Variants in ADGRV1 observed in about 807,000 individuals in gnomAD.
The protein encoded by ADGRV1 is G-protein coupled receptor 98.
ADGRV1 carries 359 observed loss-of-function variants against 596.2 expected under a neutral mutation model. The observed-to-expected ratio is 0.60, with a 90% CI of 0.55 to 0.66. The LOEUF (loss-of-function observed/expected upper bound fraction) is 0.66. Among genes scored for constraint, ADGRV1 ranks in the 30% least tolerant of loss-of-function variants. ADGRV1 has a pLI of 0.00. For missense variants in ADGRV1, 7,274 were observed against 7,575.6 expected, an observed-to-expected ratio of 0.96 and a Z score of 1.48; for synonymous variants, 2,681 against 2,679.2, an observed-to-expected ratio of 1.00 and a Z score of -0.02.
At chr5:91,014,511 T>A (rs143985569) in intron 85 of ADGRV1, among the ~76,000 whole-genome samples, 1 of 151,638 alleles carries the variant, frequency 6.6e-6, no homozygotes, top group Non-Finnish European at 1.5e-5. Flanking sequence ...GTCCTGGGAG[T>A]TTTTTTGTTT....
chr5:91,104,384 T>C (rs955920321), intron 87 of ADGRV1, among the ~76,000 whole-genome samples: 1 of 152,230 alleles, frequency 6.6e-6, no homozygotes, highest in Non-Finnish European at 1.5e-5. Flanking sequence ...AGTGATCAGA[T>C]TAAAAGAATT....
chr5:90,754,500 A>G (rs1308006885), intron 54 of ADGRV1, among the ~76,000 whole-genome samples: 1 of 152,204 alleles, frequency 6.6e-6, no homozygotes, highest in African/African-American at 2.4e-5. Flanking sequence ...ATGAAATAAA[A>G]GTTAGGTGCT....
At chr5:90,603,245 T>C (rs1027904908) in intron 1 of ADGRV1, among the ~76,000 whole-genome samples, 2 of 152,224 alleles carry the variant, frequency 1.3e-5, no homozygotes, top group Non-Finnish European at 1.5e-5. Flanking sequence ...CATACAGTGT[T>C]GTAATTCATT....
chr5:90,688,610 C>T (rs889303005), intron 29 of ADGRV1, among the ~76,000 whole-genome samples: 3 of 152,120 alleles, frequency 2.0e-5, no homozygotes, highest in African/African-American at 7.2e-5. Context: ...CCACCTTGGC[C>T]TCCCAAAGTG....
In ADGRV1 at chr5:90,805,400, T is replaced by C. The variant is rs1372348643; in HGVS notation, c.14778T>C (p.Tyr4926=). 4 of 1,606,568 alleles carry C rather than the reference T, an allele frequency of 2.5e-6. No homozygotes were observed. In the African/African-American group the frequency reaches 4.0e-5, roughly 16 times the overall value. Residue 4926 remains tyrosine, a synonymous_variant, in exon 72 of 90, where the codon TAT becomes TAC. Coordinates refer to ENST00000405460, the MANE Select transcript of ADGRV1 (RefSeq NM_032119.4). ...GALSVAWTTG[Y]APGLEIPEFI... ...TCTCGGTTGCCTGGACCACTGGATA[T>C]GCTCCTGGGTTAGAAATTCCTGAAT...
intron 83 of ADGRV1, among the ~76,000 whole-genome samples, chr5:90,907,496 A>G (rs763831007): frequency 2.0e-5 from 3 of 151,942 alleles, no homozygotes; most frequent in Non-Finnish European, 2.9e-5. Context: ...CCTACCTTCC[A>G]TCCTTCCCTT....
At chr5:90,584,122 A>G (rs1378139255) in intron 1 of ADGRV1, among the ~76,000 whole-genome samples, 1 of 152,182 alleles carries the variant, frequency 6.6e-6, no homozygotes, top group African/African-American at 2.4e-5. Flanking sequence ...ATATTATACA[A>G]TATTTTAGAT....
chr5:91,131,245 A>G (rs1429359993), intron 87 of ADGRV1, among the ~76,000 whole-genome samples: 1 of 152,194 alleles, frequency 6.6e-6, no homozygotes, highest in African/African-American at 2.4e-5. Flanking sequence ...AACGTATATA[A>G]AAATTCCCTT....
At position 90,716,703 on chromosome 5, in the gene ADGRV1, GT is replaced by G. The variant is rs2149744764; in HGVS notation, c.9425del (p.Leu3142Ter). The G allele has an allele frequency of 1.2e-6, 2 of 1,612,578 alleles. No homozygotes were observed. Among genetic ancestry groups the G allele is most frequent in the Non-Finnish European group, 8.5e-7 (1 of 1,178,722 alleles). ...KDLTPSKGYI[V>X]LEEGVRFKAL... is the part of the protein sequence containing the mutation. ...TCTGACTCCTTCCAAAGGCTATATT[GT>G]TTTAGAAGAAGGTGTTCGATTCAAG... On this transcript the variant is annotated frameshift_variant, in exon 43 of 90. Coordinates refer to ENST00000405460, the MANE Select transcript of ADGRV1 (RefSeq NM_032119.4). LOFTEE classifies it high-confidence loss of function.
Position 91,079,048 on chromosome 5 carries a change from T to C in ADGRV1, c.18310+6444T>C, listed in dbSNP as rs142382812. 1.1e-3 allele frequency among the ~76,000 whole-genome samples: 168 copies of C among 152,302 alleles called. 1 individual carries two copies. Among genetic ancestry groups the C allele is most frequent in the Non-Finnish European group, 2.2e-3 (149 of 68,016 alleles). On this transcript the variant is annotated intron_variant, in intron 86 of 89. Coordinates refer to ENST00000405460, the MANE Select transcript of ADGRV1 (RefSeq NM_032119.4). ...TATGATTTTTTTTCCTAAAGCAGAA[T>C]TGGGGCTTCTGCTAAAGTAAAGTAA...
chr5:91,003,415 G>A (rs1033001161), intron 85 of ADGRV1, among the ~76,000 whole-genome samples: 5 of 152,114 alleles, frequency 3.3e-5, no homozygotes, highest in East Asian at 1.9e-4. Context: ...TGAAACATAC[G>A]CTAGAAATCC....
chr5:91,072,551 A>C lies in ADGRV1; in HGVS notation c.18257A>C (p.Lys6086Thr). ...FVVFIHAYQV[K>T]PQWKAYDDVF... is the part of the protein sequence containing the mutation. ...GTGTTCATCCATGCCTACCAGGTGA[A>C]GCCACAGTGGAAAGCATATGATGAT... Residue 6086 changes from lysine (K) to threonine (T), a missense_variant, in exon 86 of 90, where the codon AAG becomes ACG. This residue lies in a region of ADGRV1 where 1,874 missense variants were observed against 1,970.2 expected (regional missense o/e 0.95). Transcript: ENST00000405460. 1.2e-6 allele frequency: 2 copies of C among 1,613,872 alleles called. No individual in the cohort carries two copies. The highest frequency in any genetic ancestry group is 2.2e-5 in the South Asian group (2 of 91,076).
At chr5:90,823,342 A>G in intron 75 of ADGRV1, 83 bp from the exon 76 acceptor site, 1 of 1,331,780 alleles carries the variant, frequency 7.5e-7, no homozygotes. Flanking sequence ...TTGGATGAAG[A>G]GGTACCATTA....
At chr5:90,664,199 T>G (rs1770894014) in intron 21 of ADGRV1, among the ~76,000 whole-genome samples, 2 of 147,708 alleles carry the variant, frequency 1.4e-5, no homozygotes, top group Admixed American at 1.4e-4. Flanking sequence ...TAAATTACCT[T>G]GGGCAGTATG....
chr5:90,803,079 AAAG>A (rs1761550809), intron 71 of ADGRV1, among the ~76,000 whole-genome samples, 197 bp downstream of exon 71: 1 of 152,076 alleles, frequency 6.6e-6, no homozygotes, highest in South Asian at 2.1e-4. Context: ...AGTAGGAAAA[AAAG>A]AGATATGTCC....
intron 87 of ADGRV1, among the ~76,000 whole-genome samples, chr5:91,111,640 C>T (rs1232320947): frequency 2.0e-5 from 3 of 152,170 alleles, no homozygotes; most frequent in African/African-American, 7.2e-5. Context: ...CAGTTGCTTT[C>T]CAACAGCCAA....
chr5:90,628,542 T>C lies in ADGRV1; in HGVS notation c.1239-20T>C. 6.2e-7 allele frequency: 1 copy of C among 1,605,448 alleles called. No individual in the cohort carries two copies. The highest frequency in any genetic ancestry group is 1.7e-5 in the Admixed American group (1 of 59,896). ...AAAGTGTACTATGTGACAATATGTA[T>C]TTCTTTTAAAACATTTAAGATATGA... On this transcript the variant is annotated intron_variant, in intron 7 of 89. Coordinates refer to ENST00000405460, the MANE Select transcript of ADGRV1 (RefSeq NM_032119.4).
In ADGRV1 at chr5:90,672,416, G is replaced by C. The variant is rs115233910; in HGVS notation, c.4753-130G>C. 2.4e-3 allele frequency: 1,474 copies of C among 602,352 alleles called. 18 individuals carry two copies. In the African/African-American group the frequency reaches 0.025, roughly 10 times the overall value. 37.3% of individuals were successfully genotyped at this position (602,352 alleles called of 1,614,324 possible). ...TTATCTGGGGGAATGCAGAGGCCTC[G>C]TTAGTCCCTTTTAGAGAGGTAGAAA... On this transcript the variant is annotated intron_variant, in intron 21 of 89. Coordinates refer to ENST00000405460, the MANE Select transcript of ADGRV1 (RefSeq NM_032119.4).
intron 59 of ADGRV1, among the ~76,000 whole-genome samples, chr5:90,772,841 A>C (rs938795311): frequency 6.6e-6 from 1 of 152,198 alleles, no homozygotes; most frequent in Non-Finnish European, 1.5e-5. Flanking sequence ...AATAGTATAA[A>C]GGCAAACAAT....
Sources: allele counts gnomAD v4.1 joint callset (sites outside exome capture counted in the v4.1 genomes callset), GRCh38; gene constraint gnomAD v4.1.1; regional missense constraint gnomAD v4.1.1; transcripts MANE v1.5; gene names NCBI Gene and HGNC (gene_info 2026-07-23, HGNC 2026-07-21).